The following GAREM1 variants were observed in gnomAD, a reference collection of about 807,000 sequenced individuals.
The protein encoded by GAREM1 is GRB2-associated and regulator of MAPK protein 1.
GAREM1 carries 26 observed loss-of-function variants against 71.3 expected under a neutral mutation model. The ratio of observed to expected loss-of-function variants is 0.36; its 90% CI spans 0.27 to 0.51. The LOEUF (loss-of-function observed/expected upper bound fraction) is 0.51. Ranked by LOEUF, GAREM1 falls within the 20% of genes least tolerant of loss-of-function variation. The pLI, the probability that GAREM1 is intolerant of heterozygous loss-of-function variation, is 0.95. For synonymous variants in GAREM1, 440 were observed against 433.2 expected (o/e 1.02, Z -0.20); for missense variants, 1,026 against 1,103.1 (o/e 0.93, Z 0.99).
At chr18:32,302,313 G>C (rs1350768654) in intron 3 of GAREM1, among the ~76,000 whole-genome samples, 1 of 152,182 alleles carries the variant, frequency 6.6e-6, no homozygotes, top group Non-Finnish European at 1.5e-5. Flanking sequence ...GGCCTTTCCA[G>C]ATCTAAAATG....
chr18:32,431,415 G>A (rs1299661245), intron 1 of GAREM1, among the ~76,000 whole-genome samples: 1 of 152,102 alleles, frequency 6.6e-6, no homozygotes, highest in Non-Finnish European at 1.5e-5. Context: ...GGATCACGAG[G>A]CCTGGAGTTC....
Position 32,470,196 on chromosome 18 carries a change from A to G in GAREM1, c.121+112T>C. ...GCCGCTCGGGCCAACTCCGGCGCTC[A>G]GGGGCGGGCAGCCCACTCCCCGCGG... On this transcript the variant is annotated intron_variant, in intron 1 of 5. Coordinates refer to ENST00000269209, the MANE Select transcript of GAREM1 (RefSeq NM_001242409.2). This position sits in a 1 kb window ranked among gnomAD's most constrained non-coding sequence, Gnocchi z 4.4. The G allele has an allele frequency of 1.6e-6, 2 of 1,246,222 alleles. No homozygotes were observed. The highest frequency in any genetic ancestry group is 1.0e-6 in the Non-Finnish European group (1 of 983,262). 77.2% of individuals were successfully genotyped at this position (1,246,222 alleles called of 1,614,324 possible). A position where few individuals can be genotyped will look rare whatever the true frequency, so the allele number is the denominator to read the frequency against.
At chr18:32,281,288 A>G (rs1014470910) in intron 4 of GAREM1, among the ~76,000 whole-genome samples, 57 of 148,274 alleles carry the variant, frequency 3.8e-4, no homozygotes, top group Non-Finnish European at 1.2e-4. Context: ...AGATGGCCCA[A>G]CTGACTTCTC....
intron 3 of GAREM1, among the ~76,000 whole-genome samples, chr18:32,294,271 G>T (rs974327166): frequency 2.6e-5 from 4 of 152,154 alleles, no homozygotes; most frequent in Non-Finnish European, 5.9e-5. Flanking sequence ...TTCAGAAAAA[G>T]ATACGTTATA....
chr18:32,456,289 T>C (rs1448653574), intron 1 of GAREM1, among the ~76,000 whole-genome samples: 1 of 152,134 alleles, frequency 6.6e-6, no homozygotes, highest in Non-Finnish European at 1.5e-5. Flanking sequence ...GAAAGTATGA[T>C]TTTAATCCAC....
rs201457354 is a variant in GAREM1, at chr18:32,340,983, AT to A, written c.263-30661del. Among the ~76,000 whole-genome samples, 224 of 150,154 alleles carry A rather than the reference AT, an allele frequency of 1.5e-3. 1 individual carries two copies. Among genetic ancestry groups the A allele is most frequent in the Middle Eastern group, 7.0e-3 (2 of 286 alleles). On this transcript the variant is annotated intron_variant, in intron 2 of 5. Coordinates refer to ENST00000269209, the MANE Select transcript of GAREM1 (RefSeq NM_001242409.2). ...AAAAAGAATTGATGTGTATTGGATT[AT>A]TTTTTTTTTGATACTTTAAGTTCTA...
Position 32,274,166 on chromosome 18 carries a change from G to A in GAREM1, c.1567-3783C>T, listed in dbSNP as rs545656120. 1.5e-4 allele frequency among the ~76,000 whole-genome samples: 23 copies of A among 152,224 alleles called. No individual in the cohort carries two copies. In the South Asian group the frequency reaches 4.6e-3, roughly 30 times the overall value. ...ATGGCCTATTTCTCTGCATCTTAAGGGAAGAATTACATGCTATGGTGGGCT... is the reference window on the plus strand; with the variant it reads ...ATGGCCTATTTCTCTGCATCTTAAGAGAAGAATTACATGCTATGGTGGGCT... On this transcript the variant is annotated intron_variant, in intron 4 of 5. Transcript: ENST00000269209.
intron 2 of GAREM1, among the ~76,000 whole-genome samples, chr18:32,389,616 T>C (rs1188718634): frequency 1.3e-5 from 2 of 152,110 alleles, no homozygotes; most frequent in Non-Finnish European, 2.9e-5. Context: ...TAAAAAAAAG[T>C]AAGATTCATT....
chr18:32,273,854 G>A (rs2041500972), intron 4 of GAREM1, among the ~76,000 whole-genome samples: 1 of 152,182 alleles, frequency 6.6e-6, no homozygotes. Context: ...GGCAGTCTGG[G>A]TGTTGTTATG....
At chr18:32,453,283 A>T (rs2048858242) in intron 1 of GAREM1, among the ~76,000 whole-genome samples, 1 of 152,136 alleles carries the variant, frequency 6.6e-6, no homozygotes, top group South Asian at 2.1e-4. Flanking sequence ...CCCCTCCCAT[A>T]ACATGTGGGA....
intron 4 of GAREM1, among the ~76,000 whole-genome samples, chr18:32,283,821 C>T (rs1567947743): frequency 6.6e-6 from 1 of 152,106 alleles, no homozygotes; most frequent in East Asian, 1.9e-4. Context: ...CCGGAGGATG[C>T]CAGAGCTGCA....
chr18:32,314,979 G>T (rs1221956675), intron 2 of GAREM1, among the ~76,000 whole-genome samples: 1 of 152,046 alleles, frequency 6.6e-6, no homozygotes, highest in Non-Finnish European at 1.5e-5. Context: ...CCTGCAAATG[G>T]TATCTTTTCA....
At chr18:32,435,407 A>G (rs983372344) in intron 1 of GAREM1, among the ~76,000 whole-genome samples, 5 of 152,162 alleles carry the variant, frequency 3.3e-5, no homozygotes, top group African/African-American at 1.2e-4. Context: ...GGAAAACTCT[A>G]TTTTTCTAAT....
At chr18:32,425,590 C>T (rs887042204) in intron 1 of GAREM1, among the ~76,000 whole-genome samples, 12 of 152,138 alleles carry the variant, frequency 7.9e-5, no homozygotes, top group East Asian at 3.9e-4. Flanking sequence ...AAGAATAGTG[C>T]GAGATAAAAA....
At chr18:32,434,664 A>G (rs1428415318) in intron 1 of GAREM1, among the ~76,000 whole-genome samples, 2 of 152,090 alleles carry the variant, frequency 1.3e-5, no homozygotes, top group African/African-American at 2.4e-5. Flanking sequence ...TAAGGAAATA[A>G]ATATGGGAGA....
At position 32,470,301 on chromosome 18, in the gene GAREM1, G is replaced by T; in HGVS notation, c.121+7C>A. 1 of 1,540,452 alleles carries T rather than the reference G, an allele frequency of 6.5e-7. No individual in the cohort carries two copies. Among genetic ancestry groups the T allele is most frequent in the Admixed American group, 1.9e-5 (1 of 52,436 alleles). ...CCCGTCTGCCCCGCGCCCCAGCTGG[G>T]ACTCACCGTTGTCCAGGCGCGCGAT... On this transcript the variant is annotated splice_region_variant and intron_variant, in intron 1 of 5. Coordinates refer to ENST00000269209, the MANE Select transcript of GAREM1 (RefSeq NM_001242409.2). This position sits in a 1 kb window ranked among gnomAD's most constrained non-coding sequence, Gnocchi z 4.4.
chr18:32,335,982 A>C (rs1381909013), intron 2 of GAREM1, among the ~76,000 whole-genome samples: 1 of 152,230 alleles, frequency 6.6e-6, no homozygotes, highest in Non-Finnish European at 1.5e-5. Flanking sequence ...CACTACCAGA[A>C]AGAGTAATGG....
At chr18:32,373,044 T>G (rs556069234) in intron 2 of GAREM1, among the ~76,000 whole-genome samples, 85 of 152,308 alleles carry the variant, frequency 5.6e-4, no homozygotes, top group African/African-American at 2.0e-3. Context: ...TGACAATGCT[T>G]TTCTGTATTA....
chr18:32,306,815 T>C (rs1402352132), intron 3 of GAREM1, among the ~76,000 whole-genome samples: 3 of 152,234 alleles, frequency 2.0e-5, no homozygotes, highest in Non-Finnish European at 4.4e-5. Flanking sequence ...ATTTACTATT[T>C]ACCCCCAGTG....
Sources: gnomAD v4.1 joint callset for allele counts (sites outside exome capture counted in the v4.1 genomes callset) on GRCh38, gnomAD v4.1.1 for gene constraint, Gnocchi (gnomAD v3.1) non-coding constraint, MANE v1.5 for transcripts, NCBI Gene and HGNC (gene_info 2026-07-23, HGNC 2026-07-21) for gene names.